LHFPL3: variants seen among roughly 807,000 people sequenced by gnomAD.
LHFPL3 encodes the protein LHFPL tetraspan subfamily member 3 protein.
LHFPL3 carries 5 observed loss-of-function variants against 19.3 expected under a neutral mutation model. That is an observed-to-expected ratio of 0.26 (90% CI 0.14 to 0.54). LHFPL3 has a LOEUF of 0.54. Ranked by LOEUF, LHFPL3 falls within the 20% of genes least tolerant of loss-of-function variation. The probability of loss-of-function intolerance (pLI) is 0.94; values close to 1 mark genes in which losing one functional copy is unlikely to be tolerated. For missense variants in LHFPL3, 249 were observed against 307.4 expected, an observed-to-expected ratio of 0.81 and a Z score of 1.42; for synonymous variants, 133 against 126.2, an observed-to-expected ratio of 1.05 and a Z score of -0.36.
intron 1 of LHFPL3, among the ~76,000 whole-genome samples, chr7:104,516,835 C>T (rs548406648): frequency 6.6e-6 from 1 of 152,158 alleles, no homozygotes; most frequent in East Asian, 1.9e-4. Context: ...ATCTTAAAGA[C>T]ACATGCACGT....
chr7:104,781,132 A>C (rs1306373397), intron 2 of LHFPL3, among the ~76,000 whole-genome samples: 5 of 152,214 alleles, frequency 3.3e-5, no homozygotes, highest in Non-Finnish European at 7.3e-5. Context: ...CCACAGAAAT[A>C]GGTACCATTC....
chr7:104,463,147 G>C (rs1340222379), intron 1 of LHFPL3, among the ~76,000 whole-genome samples: 1 of 152,002 alleles, frequency 6.6e-6, no homozygotes, highest in Non-Finnish European at 1.5e-5. Context: ...TATTAGTCTA[G>C]CTAGCAGCCT....
chr7:104,781,176 G>A (rs1374572359), intron 2 of LHFPL3, among the ~76,000 whole-genome samples: 3 of 152,046 alleles, frequency 2.0e-5, no homozygotes, highest in Non-Finnish European at 4.4e-5. Context: ...TTCTCTGCTT[G>A]GTCCCCTACT....
chr7:104,431,582 T>C (rs1325332855), intron 1 of LHFPL3, among the ~76,000 whole-genome samples: 1 of 152,210 alleles, frequency 6.6e-6, no homozygotes, highest in Non-Finnish European at 1.5e-5. Flanking sequence ...TAAAGTACTT[T>C]CTCTAAAAAT....
chr7:104,655,707 T>G (rs1792109333), intron 1 of LHFPL3, among the ~76,000 whole-genome samples: 1 of 152,218 alleles, frequency 6.6e-6, no homozygotes, highest in Non-Finnish European at 1.5e-5. Flanking sequence ...GGATTTTAAC[T>G]TATGCTGCAT....
intron 1 of LHFPL3, among the ~76,000 whole-genome samples, chr7:104,578,319 C>T (rs1355121230): frequency 1.3e-5 from 2 of 152,182 alleles, no homozygotes; most frequent in Non-Finnish European, 2.9e-5. Context: ...CATTTTCCAT[C>T]CCTCTTCAGG....
intron 1 of LHFPL3, among the ~76,000 whole-genome samples, chr7:104,548,583 G>T (rs1160245355): frequency 6.6e-6 from 1 of 152,118 alleles, no homozygotes. Context: ...ACGAAATAAA[G>T]ATGGAACGAA....
intron 2 of LHFPL3, among the ~76,000 whole-genome samples, chr7:104,808,890 C>CTTTT (rs151212974): frequency 1.3e-5 from 1 of 77,214 alleles, no homozygotes; most frequent in Non-Finnish European, 2.4e-5. Flanking sequence ...ATGATAGATC[C>CTTTT]TTTTTTTTTT....
chr7:104,544,721 A>G (rs1166935425), intron 1 of LHFPL3, among the ~76,000 whole-genome samples: 1 of 152,134 alleles, frequency 6.6e-6, no homozygotes, highest in Non-Finnish European at 1.5e-5. Context: ...GATTTTTTTA[A>G]GAAAATGGGT....
At chr7:104,722,087 G>A (rs1043220671) in intron 1 of LHFPL3, among the ~76,000 whole-genome samples, 3 of 152,030 alleles carry the variant, frequency 2.0e-5, no homozygotes, top group Non-Finnish European at 2.9e-5. Flanking sequence ...AGCAAGTGAT[G>A]TTATTTATTT....
intron 1 of LHFPL3, among the ~76,000 whole-genome samples, chr7:104,731,463 G>A (rs1272244101): frequency 1.3e-5 from 2 of 152,086 alleles, no homozygotes; most frequent in African/African-American, 4.8e-5. Context: ...GGATTCCTAG[G>A]TATTTTATTC....
intron 2 of LHFPL3, among the ~76,000 whole-genome samples, chr7:104,752,360 G>A (rs958692352): frequency 1.5e-4 from 23 of 151,326 alleles, no homozygotes; most frequent in Non-Finnish European, 1.9e-4. Flanking sequence ...GCTTCCAGGG[G>A]CATCAGAAAC....
At chr7:104,872,057 G>C (rs1025308517) in intron 2 of LHFPL3, among the ~76,000 whole-genome samples, 1 of 151,402 alleles carries the variant, frequency 6.6e-6, no homozygotes, top group Non-Finnish European at 1.5e-5. Context: ...AAGACACACT[G>C]TCTGGGCACA....
At chr7:104,518,750 C>T (rs941858015) in intron 1 of LHFPL3, among the ~76,000 whole-genome samples, 1 of 151,764 alleles carries the variant, frequency 6.6e-6, no homozygotes, top group Non-Finnish European at 1.5e-5. Context: ...CACCACTGCA[C>T]TCCAACCTGG....
chr7:104,582,887 A>G (rs1032864300), intron 1 of LHFPL3, among the ~76,000 whole-genome samples: 3 of 151,982 alleles, frequency 2.0e-5, no homozygotes, highest in Non-Finnish European at 4.4e-5. Flanking sequence ...ATTTTTTAAT[A>G]AAATTTAAAA....
At chr7:104,757,266 C>G (rs1794302940) in intron 2 of LHFPL3, among the ~76,000 whole-genome samples, 1 of 151,970 alleles carries the variant, frequency 6.6e-6, no homozygotes, top group Admixed American at 6.6e-5. Context: ...AAAAGGAAAC[C>G]TAGGAAATAC....
At position 104,697,677 on chromosome 7, in the gene LHFPL3, C is replaced by T. The variant is rs1320244670; in HGVS notation, c.446-38998C>T. On this transcript the variant is annotated intron_variant, in intron 1 of 2. Coordinates refer to ENST00000424859, the MANE Select transcript of LHFPL3 (RefSeq NM_199000.3). ...TGTTCCATATTTGATATAAGAAGAG[C>T]AAAGTTTTTAACTTGAGCTTTTCAT... Among the ~76,000 whole-genome samples the T allele has an allele frequency of 2.0e-5, 3 of 152,166 alleles. No individual in the cohort carries two copies. The East Asian group carries it at 5.8e-4, about 29-fold the overall frequency.
At chr7:104,672,057 A>ATGTGTGTGTGTGTG in intron 1 of LHFPL3, among the ~76,000 whole-genome samples, 1 of 86,446 alleles carries the variant, frequency 1.2e-5, no homozygotes, top group Non-Finnish European at 2.7e-5. Flanking sequence ...TTTAACTTCC[A>ATGTGTGTGTGTGTG]AGTGTGTGTG....
intron 2 of LHFPL3, among the ~76,000 whole-genome samples, chr7:104,756,165 C>G (rs1794281769): frequency 6.6e-6 from 1 of 152,120 alleles, no homozygotes; most frequent in Admixed American, 6.6e-5. Context: ...CACACTCACA[C>G]TCCACACACT....
Sources: gnomAD v4.1 joint callset for allele counts (sites outside exome capture counted in the v4.1 genomes callset) on GRCh38, gnomAD v4.1.1 for gene constraint, MANE v1.5 for transcripts, NCBI Gene and HGNC (gene_info 2026-07-23, HGNC 2026-07-21) for gene names.